UBE3D: variants seen among roughly 807,000 people sequenced by gnomAD.
The protein encoded by UBE3D is E3 ubiquitin-protein ligase E3D.
UBE3D carries 48 observed loss-of-function variants against 49.6 expected under a neutral mutation model. The observed-to-expected ratio is 0.97, with a 90% CI of 0.77 to 1.23. The LOEUF is 1.23. Among genes scored for constraint, UBE3D ranks in the 50% most tolerant of loss-of-function variants. UBE3D has a pLI of 0.00. For missense variants in UBE3D, 452 were observed against 468.4 expected, an observed-to-expected ratio of 0.96 and a Z score of 0.32; for synonymous variants, 189 against 174.2, an observed-to-expected ratio of 1.08 and a Z score of -0.67.
chr6:83,030,415 T>C (rs1781784207), intron 5 of UBE3D, among the ~76,000 whole-genome samples: 1 of 152,188 alleles, frequency 6.6e-6, no homozygotes, highest in African/African-American at 2.4e-5. Context: ...ACAGTTCCCC[T>C]GCACAAGCTC....
rs768260430 is a variant in UBE3D at position 83,024,074 on chromosome 6, T to C, written c.668-36A>G. On this transcript the variant is annotated intron_variant, in intron 5 of 9. Coordinates refer to ENST00000369747, the MANE Select transcript of UBE3D (RefSeq NM_198920.3). ...AAAAGAAAATTAAGACTCTCCCCAA[T>C]ACACTAATAATTTTATTGTGGGCAA... 5 of 1,188,604 alleles carry C rather than the reference T, an allele frequency of 4.2e-6. No homozygotes were observed. In the Admixed American group the frequency reaches 7.7e-5, roughly 18 times the overall value. The allele number at this position is 1,188,604 out of a possible 1,614,324, so 73.6% of individuals were successfully genotyped here.
chr6:82,964,770 T>A (rs1384361349), intron 8 of UBE3D, among the ~76,000 whole-genome samples: 8 of 152,200 alleles, frequency 5.3e-5, no homozygotes, highest in Non-Finnish European at 7.3e-5. Context: ...ATACAACATT[T>A]TGAAACATCT....
chr6:82,929,202 C>G (rs1212610281), intron 9 of UBE3D, among the ~76,000 whole-genome samples: 1 of 152,030 alleles, frequency 6.6e-6, no homozygotes, highest in Non-Finnish European at 1.5e-5. Context: ...ATAGGAGTGG[C>G]TCTTCAACAG....
At chr6:82,896,314 G>C (rs1013064173) in intron 9 of UBE3D, among the ~76,000 whole-genome samples, 2 of 152,176 alleles carry the variant, frequency 1.3e-5, no homozygotes, top group Admixed American at 1.3e-4. Flanking sequence ...CAAAGTAAAA[G>C]TTTTAAAGCT....
chr6:82,921,783 C>T (rs1773362064), intron 9 of UBE3D, among the ~76,000 whole-genome samples: 1 of 152,084 alleles, frequency 6.6e-6, no homozygotes, highest in African/African-American at 2.4e-5. Flanking sequence ...CCCAAAGTCC[C>T]AAGGAGAACA....
intron 8 of UBE3D, among the ~76,000 whole-genome samples, chr6:82,979,770 A>G (rs913149675): frequency 1.3e-5 from 2 of 151,984 alleles, no homozygotes; most frequent in Non-Finnish European, 2.9e-5. Context: ...CAACTCTCCA[A>G]CATCTATCAT....
chr6:83,011,234 A>G (rs1780317069), intron 8 of UBE3D, among the ~76,000 whole-genome samples: 1 of 152,244 alleles, frequency 6.6e-6, no homozygotes, highest in African/African-American at 2.4e-5. Context: ...AAGTGTATAC[A>G]TGCACAAACG....
At chr6:82,942,671 G>A (rs191091444) in intron 9 of UBE3D, among the ~76,000 whole-genome samples, 1 of 152,360 alleles carries the variant, frequency 6.6e-6, no homozygotes, top group Non-Finnish European at 1.5e-5. Flanking sequence ...TGGCTTACAT[G>A]TGGTATTGGC....
At chr6:83,011,624 G>A (rs764063013) in intron 8 of UBE3D, among the ~76,000 whole-genome samples, 5 of 152,062 alleles carry the variant, frequency 3.3e-5, no homozygotes, top group Non-Finnish European at 2.9e-5. Context: ...CAATCACCCC[G>A]GCCAACACTG....
At chr6:82,940,100 G>A (rs1774901371) in intron 9 of UBE3D, among the ~76,000 whole-genome samples, 1 of 152,146 alleles carries the variant, frequency 6.6e-6, no homozygotes, top group African/African-American at 2.4e-5. Context: ...TGGCAGCAAC[G>A]TGGATCTGAC....
chr6:82,937,083 A>G (rs1582400987), intron 9 of UBE3D, among the ~76,000 whole-genome samples: 1 of 152,200 alleles, frequency 6.6e-6, no homozygotes, highest in Non-Finnish European at 1.5e-5. Flanking sequence ...CAAAGGGACA[A>G]TAAAATAATT....
intron 7 of UBE3D, among the ~76,000 whole-genome samples, chr6:83,020,578 A>G (rs1326884058): frequency 6.6e-6 from 1 of 152,202 alleles, no homozygotes; most frequent in Non-Finnish European, 1.5e-5. Flanking sequence ...ATATGTTAGA[A>G]AGTTTCAGAA....
chr6:82,954,124 A>G (rs903550703), intron 9 of UBE3D, among the ~76,000 whole-genome samples: 1 of 152,242 alleles, frequency 6.6e-6, no homozygotes, highest in Non-Finnish European at 1.5e-5. Flanking sequence ...TTATTGGCCA[A>G]GATAAGGAGT....
At chr6:82,934,433 T>C (rs796176986) in intron 9 of UBE3D, among the ~76,000 whole-genome samples, 5 of 152,328 alleles carry the variant, frequency 3.3e-5, no homozygotes, top group African/African-American at 1.2e-4. Context: ...ATGATGTTTA[T>C]GAAAGGAAAC....
At chr6:82,938,924 A>G (rs971477969) in intron 9 of UBE3D, among the ~76,000 whole-genome samples, 3 of 152,112 alleles carry the variant, frequency 2.0e-5, no homozygotes, top group African/African-American at 7.2e-5. Context: ...GCATGCACCT[A>G]TAATCCCAGC....
intron 1 of UBE3D, among the ~76,000 whole-genome samples, chr6:83,059,581 C>A (rs1784035091): frequency 6.6e-6 from 1 of 152,198 alleles, no homozygotes; most frequent in African/African-American, 2.4e-5. Context: ...CAAGAGATAC[C>A]ACTGGGTTCC....
chr6:82,987,551 G>A (rs1396646682), intron 8 of UBE3D, among the ~76,000 whole-genome samples: 1 of 152,162 alleles, frequency 6.6e-6, no homozygotes, highest in Non-Finnish European at 1.5e-5. Context: ...ATTTCTTGTA[G>A]CAATAAAACA....
At chr6:83,001,933 AT>A (rs142073386) in intron 8 of UBE3D, among the ~76,000 whole-genome samples, 9 of 150,686 alleles carry the variant, frequency 6.0e-5, no homozygotes, top group African/African-American at 7.3e-5. Flanking sequence ...GTGATTCTTA[AT>A]TTTTTTTTTC....
chr6:82,992,629 G>A (rs532486094), intron 8 of UBE3D, among the ~76,000 whole-genome samples: 9 of 152,180 alleles, frequency 5.9e-5, no homozygotes, highest in African/African-American at 1.9e-4. Context: ...ACAGTTACAC[G>A]CCTTCTTTTT....
Sources: allele counts gnomAD v4.1 joint callset (sites outside exome capture counted in the v4.1 genomes callset), GRCh38; gene constraint gnomAD v4.1.1; transcripts MANE v1.5; gene names NCBI Gene and HGNC (gene_info 2026-07-23, HGNC 2026-07-21).